The following MTMR9 variants were observed in gnomAD, a reference collection of about 807,000 sequenced individuals.
The protein encoded by MTMR9 is myotubularin-related protein 9.
Under a neutral mutation model 69.5 loss-of-function variants are expected in MTMR9, and 39 were observed. That is an observed-to-expected ratio of 0.56 (90% CI 0.43 to 0.73). The LOEUF is 0.73. Ranked by LOEUF, MTMR9 falls within the 30% of genes least tolerant of loss-of-function variation. The probability of loss-of-function intolerance (pLI) is 0.00; values close to 1 mark genes in which losing one functional copy is unlikely to be tolerated. For synonymous variants in MTMR9, 354 were observed against 240.8 expected, an observed-to-expected ratio of 1.47 and a Z score of -4.35; for missense variants, 900 against 671.2, an observed-to-expected ratio of 1.34 and a Z score of -3.77.
chr8:11,306,745 A>G (rs902815022), intron 5 of MTMR9, among the ~76,000 whole-genome samples: 2 of 152,234 alleles, frequency 1.3e-5, no homozygotes, highest in South Asian at 2.1e-4. Context: ...CAAGCATACA[A>G]TATATTAGTT....
At position 11,284,830 on chromosome 8, in the gene MTMR9, G is replaced by C; in HGVS notation, c.-59G>C. 1 of 1,464,542 alleles carries C rather than the reference G, an allele frequency of 6.8e-7. No individual in the cohort carries two copies. The highest frequency in any genetic ancestry group is 9.2e-7 in the Non-Finnish European group (1 of 1,088,748). The allele number at this position is 1,464,542 out of a possible 1,614,324, so 90.7% of individuals were successfully genotyped here. A position where few individuals can be genotyped will look rare whatever the true frequency, so the allele number is the denominator to read the frequency against. On this transcript the variant is annotated 5_prime_UTR_variant, in exon 1 of 10. Coordinates refer to ENST00000221086, the MANE Select transcript of MTMR9 (RefSeq NM_015458.4). ...CGGGTGTTTCCGCTACTTCCCTGCG[G>C]CGGGGTAACCGCCTCGCACCTACCG...
intron 4 of MTMR9, among the ~76,000 whole-genome samples, chr8:11,305,859 T>G (rs1428290240): frequency 6.6e-6 from 1 of 152,248 alleles, no homozygotes; most frequent in African/African-American, 2.4e-5. Context: ...TACTGGCTCA[T>G]AGGCCATTAT....
chr8:11,287,803 TATATAATACATATA>T (rs1390734583), intron 1 of MTMR9, among the ~76,000 whole-genome samples: 3 of 23,272 alleles, frequency 1.3e-4, no homozygotes, highest in Admixed American at 5.0e-4. Flanking sequence ...TAATACATAT[TATATAATACATATA>T]ATATATAATA....
intron 1 of MTMR9, among the ~76,000 whole-genome samples, chr8:11,291,587 TA>T (rs1799382405): frequency 6.6e-6 from 1 of 152,120 alleles, no homozygotes; most frequent in Non-Finnish European, 1.5e-5. Context: ...AAACATTGAA[TA>T]AATGAATGGA....
the MTMR9 span, among the ~76,000 whole-genome samples, chr8:11,338,511 G>T: frequency 1.3e-5 from 2 of 152,178 alleles, no homozygotes; most frequent in African/African-American, 4.8e-5. Flanking sequence ...TTAATCTTCA[G>T]TGGAAAGGTA....
intron 8 of MTMR9, 50 bp downstream of exon 8, chr8:11,316,943 A>T (rs566633589): frequency 1.5e-6 from 2 of 1,303,146 alleles, no homozygotes; most frequent in South Asian, 1.5e-5. Context: ...TGTTTTGGCT[A>T]CTTCCTAAGT....
At chr8:11,308,301 C>T (rs796507536) in intron 5 of MTMR9, among the ~76,000 whole-genome samples, 4 of 152,280 alleles carry the variant, frequency 2.6e-5, no homozygotes, top group African/African-American at 9.6e-5. Flanking sequence ...AGCTCCTTTC[C>T]CCATTGTATG....
chr8:11,319,755 G>A lies in MTMR9; in HGVS notation c.1403G>A (p.Ser468Asn). 1 of 1,614,154 alleles carries A rather than the reference G, an allele frequency of 6.2e-7. No homozygotes were observed. The highest frequency in any genetic ancestry group is 8.5e-7 in the Non-Finnish European group (1 of 1,179,984). Residue 468 changes from serine (S) to asparagine (N), a missense_variant, in exon 9 of 10, where the codon AGT becomes AAT. Coordinates refer to ENST00000221086, the MANE Select transcript of MTMR9 (RefSeq NM_015458.4). ...TGGGTTAATCAGCCCAGTGAGCTGA[G>A]TAAATTCACCAATCCCCTCTTTGAA... ...WSWVNQPSEL[S>N]KFTNPLFEAN...
chr8:11,295,465 G>T (rs1234299598), intron 2 of MTMR9, among the ~76,000 whole-genome samples, 163 bp downstream of exon 2: 1 of 151,426 alleles, frequency 6.6e-6, no homozygotes, highest in African/African-American at 2.4e-5. Flanking sequence ...TGAGTGTAAT[G>T]GAACTTTCTT....
intron 9 of MTMR9, chr8:11,320,419 C>T (rs1166434237): frequency 1.3e-5 from 2 of 152,156 alleles, no homozygotes; most frequent in African/African-American, 4.8e-5. Context: ...AGTATGGAAG[C>T]TTATTAATTA....
Position 11,298,890 on chromosome 8 carries a change from T to A in MTMR9, c.292-1133T>A, listed in dbSNP as rs571869888. Reference sequence around the variant, plus strand: ...GTGCTCCAGGTAAATATAGGCCCATTTGGGGCTGATAGAGTTATTGCCCCC... The same window carrying A: ...GTGCTCCAGGTAAATATAGGCCCATATGGGGCTGATAGAGTTATTGCCCCC... On this transcript the variant is annotated intron_variant, in intron 2 of 9. Transcript: ENST00000221086. The A allele has an allele frequency of 1.7e-5, 17 of 984,818 alleles. No homozygotes were observed. The African/African-American group carries it at 3.0e-4, about 17-fold the overall frequency. 61.0% of individuals were successfully genotyped at this position (984,818 alleles called of 1,614,324 possible).
intron 9 of MTMR9, chr8:11,321,455 G>C (rs914275244): frequency 3.5e-5 from 16 of 456,404 alleles, no homozygotes; most frequent in East Asian, 6.9e-5. Flanking sequence ...ATTGGGAGCT[G>C]GGTGGCCTGA....
rs1800760633 is a variant in MTMR9, at chr8:11,322,882, G to C, written c.*94G>C. The C allele has an allele frequency of 3.4e-6, 4 of 1,172,796 alleles. No individual in the cohort carries two copies. Among genetic ancestry groups the C allele is most frequent in the Non-Finnish European group, 4.8e-6 (4 of 829,086 alleles). 72.6% of individuals were successfully genotyped at this position (1,172,796 alleles called of 1,614,324 possible). ...CAGTTCACTTTTACACGGTAGCCTT[G>C]AAGTGAAGGCTTTAGATGTGGGACC... On this transcript the variant is annotated 3_prime_UTR_variant, in exon 10 of 10. Coordinates refer to ENST00000221086, the MANE Select transcript of MTMR9 (RefSeq NM_015458.4).
rs909455735 is a variant in MTMR9 at position 11,299,936 on chromosome 8, A to G, written c.292-87A>G. 29 of 1,461,932 alleles carry G rather than the reference A, an allele frequency of 2.0e-5. No individual in the cohort carries two copies. The African/African-American group carries it at 2.8e-4, about 14-fold the overall frequency. 90.6% of individuals were successfully genotyped at this position (1,461,932 alleles called of 1,614,324 possible). On this transcript the variant is annotated intron_variant, in intron 2 of 9. Transcript: ENST00000221086. ...TCTGGGTGCCCATCATTATTAGACC[A>G]TGTTTGCTTAATACTAATTTGTCAG...
At chr8:11,292,802 C>T (rs962945825) in intron 1 of MTMR9, among the ~76,000 whole-genome samples, 1 of 152,164 alleles carries the variant, frequency 6.6e-6, no homozygotes, top group Non-Finnish European at 1.5e-5. Flanking sequence ...TGAAAAGTTT[C>T]TCTTGCCCAG....
chr8:11,331,071 C>T (rs1309289127), downstream of MTMR9: 10 of 1,561,222 alleles, frequency 6.4e-6, no homozygotes, highest in African/African-American at 6.8e-5. Context: ...GCCCAGGCTC[C>T]CTGAGCCAGG....
the MTMR9 span, among the ~76,000 whole-genome samples, chr8:11,339,228 C>T: frequency 6.6e-6 from 1 of 152,262 alleles, no homozygotes; most frequent in African/African-American, 2.4e-5. Context: ...TCCAATCAAA[C>T]AGCTGCTAGG....
intron 7 of MTMR9, 43 bp from the exon 8 acceptor site, chr8:11,316,630 A>T: frequency 7.3e-7 from 1 of 1,362,042 alleles, no homozygotes. Flanking sequence ...CTGTCATGTG[A>T]TCTCACCAGG....
chr8:11,314,103 G>T (rs1033959078), intron 6 of MTMR9, among the ~76,000 whole-genome samples: 1 of 152,182 alleles, frequency 6.6e-6, no homozygotes, highest in South Asian at 2.1e-4. Flanking sequence ...AAATTGCCTC[G>T]TATTAAAGCT....
Sources: gnomAD v4.1 joint callset for allele counts (sites outside exome capture counted in the v4.1 genomes callset) on GRCh38, gnomAD v4.1.1 for gene constraint, MANE v1.5 for transcripts, NCBI Gene and HGNC (gene_info 2026-07-23, HGNC 2026-07-21) for gene names.